Variants in KCNC1 observed in about 807,000 individuals in gnomAD.
KCNC1 encodes potassium voltage-gated channel subfamily C member 1, also known as voltage-gated potassium channel KCNC1.
A neutral mutation model predicts 43.4 loss-of-function variants in KCNC1; 8 were observed. The observed-to-expected ratio is 0.18, with a 90% CI of 0.11 to 0.33. KCNC1 has a LOEUF of 0.33. KCNC1 is among the 10% of genes least tolerant of loss of function. KCNC1 has a pLI of 1.00. For synonymous variants in KCNC1, 361 were observed against 360.5 expected, an observed-to-expected ratio of 1.00 and a Z score of -0.01; for missense variants, 420 against 836.0, an observed-to-expected ratio of 0.50 and a Z score of 6.14.
At chr11:17,751,233 T>C (rs930320063) in intron 1 of KCNC1, among the ~76,000 whole-genome samples, 2 of 151,930 alleles carry the variant, frequency 1.3e-5, no homozygotes, top group African/African-American at 4.9e-5. Context: ...GATGCTGTGG[T>C]TCTATGGTTA....
At chr11:17,749,769 C>A (rs898475305) in intron 1 of KCNC1, among the ~76,000 whole-genome samples, 7 of 152,198 alleles carry the variant, frequency 4.6e-5, no homozygotes, top group Non-Finnish European at 8.8e-5. Context: ...CTGCAAGCTG[C>A]CGTGGGTGCT....
intron 1 of KCNC1, among the ~76,000 whole-genome samples, chr11:17,763,642 CCA>C (rs1373501839): frequency 8.4e-6 from 1 of 119,074 alleles, no homozygotes; most frequent in Non-Finnish European, 1.8e-5. Flanking sequence ...ACACACACCC[CCA>C]CACCACACCA....
intron 1 of KCNC1, among the ~76,000 whole-genome samples, chr11:17,756,250 A>C (rs897466895): frequency 6.6e-6 from 1 of 152,178 alleles, no homozygotes; most frequent in Non-Finnish European, 1.5e-5. Flanking sequence ...AAGGCTTACC[A>C]AATGCCTGTG....
Position 17,777,957 on chromosome 11 carries a change from G to A in KCNC1, c.1505-1499G>A, listed in dbSNP as rs144074920. 2.0e-3 allele frequency: 1,126 copies of A among 558,156 alleles called. 7 individuals are homozygous for A. The African/African-American group carries it at 0.021, about 11-fold the overall frequency. 34.6% of individuals were successfully genotyped at this position (558,156 alleles called of 1,614,324 possible). A position where few individuals can be genotyped will look rare whatever the true frequency, so the allele number is the denominator to read the frequency against. ...GTTACATGATGTGAACAGGATCACG[G>A]GAGAGTGTTCAATCGGGTGGACATT... On this transcript the variant is annotated intron_variant, in intron 2 of 3. Coordinates refer to ENST00000265969, the MANE Select transcript of KCNC1 (RefSeq NM_001112741.2). This position sits in a 1 kb window ranked among gnomAD's most constrained non-coding sequence, Gnocchi z 4.3.
rs1261695224 is a variant in KCNC1 at position 17,735,208 on chromosome 11, G to A, written c.-795G>A. The A allele has an allele frequency of 6.6e-6, 1 of 152,116 alleles. No individual in the cohort carries two copies. Among genetic ancestry groups the A allele is most frequent in the East Asian group, 1.9e-4 (1 of 5,154 alleles). The allele number at this position is 152,116 out of a possible 1,614,324, so 9.4% of individuals were successfully genotyped here. Reference sequence around the variant, plus strand: ...TCACGGAGAGCAGCGCTCGGCGTTAGCCGCACGAGCAACACCCCGGGTGCC... The same window carrying A: ...TCACGGAGAGCAGCGCTCGGCGTTAACCGCACGAGCAACACCCCGGGTGCC... On this transcript the variant is annotated 5_prime_UTR_variant, in exon 1 of 4. Coordinates refer to ENST00000265969, the MANE Select transcript of KCNC1 (RefSeq NM_001112741.2). The surrounding 1 kb of genome is among the most constrained non-coding windows in gnomAD (Gnocchi z 6.7).
chr11:17,768,219 G>A (rs571330841), intron 1 of KCNC1, among the ~76,000 whole-genome samples: 2 of 152,170 alleles, frequency 1.3e-5, no homozygotes, highest in African/African-American at 2.4e-5. Flanking sequence ...CTCAGGGGAC[G>A]GGTCACTTAG....
At position 17,781,775 on chromosome 11, in the gene KCNC1, C is replaced by G; in HGVS notation, c.*41C>G. On this transcript the variant is annotated 3_prime_UTR_variant, in exon 4 of 4. Coordinates refer to ENST00000265969, the MANE Select transcript of KCNC1 (RefSeq NM_001112741.2). The surrounding 1 kb of genome is among the most constrained non-coding windows in gnomAD (Gnocchi z 5.1). ...GAGGACACTGGTGGCTATTAAGCAT[C>G]TGGGTGGACCTGCAGCCCCTCCTCA... 7.4e-7 allele frequency: 1 copy of G among 1,348,050 alleles called. No individual in the cohort carries two copies. Among genetic ancestry groups the G allele is most frequent in the Non-Finnish European group, 1.0e-6 (1 of 961,162 alleles). The allele number at this position is 1,348,050 out of a possible 1,614,324, so 83.5% of individuals were successfully genotyped here.
chr11:17,767,506 T>C (rs1849167896), intron 1 of KCNC1, among the ~76,000 whole-genome samples: 2 of 152,196 alleles, frequency 1.3e-5, no homozygotes, highest in Admixed American at 6.5e-5. Context: ...CTCTTTCCTT[T>C]CTCCAGCCAG....
Position 17,734,930 on chromosome 11 carries a change from CCCGCCTCCCCGCCCGACCT to C in KCNC1, c.-1068_-1050del, listed in dbSNP as rs1326475351. On this transcript the variant is annotated 5_prime_UTR_variant, in exon 1 of 4. Transcript: ENST00000265969. Reference sequence around the variant, plus strand: ...CCTCGCCGCGCCCGGACCCGCCACCCCCGCCTCCCCGCCCGACCTCCGCAGCCCCCGTCTCGGCCGGCAG... The same window carrying C: ...CCTCGCCGCGCCCGGACCCGCCACCCCCGCAGCCCCCGTCTCGGCCGGCAG... The C allele has an allele frequency of 6.6e-6, 1 of 150,620 alleles. No individual in the cohort carries two copies. Among genetic ancestry groups the C allele is most frequent in the East Asian group, 1.9e-4 (1 of 5,130 alleles). 9.3% of individuals were successfully genotyped at this position (150,620 alleles called of 1,614,324 possible).
At chr11:17,766,718 C>G (rs1303929792) in intron 1 of KCNC1, among the ~76,000 whole-genome samples, 1 of 152,118 alleles carries the variant, frequency 6.6e-6, no homozygotes, top group Non-Finnish European at 1.5e-5. Flanking sequence ...ATAGGCACAA[C>G]CTGCTCTTAC....
rs535074782 is a variant in KCNC1 at position 17,739,493 on chromosome 11, G to A, written c.570+2921G>A. On this transcript the variant is annotated intron_variant, in intron 1 of 3. Coordinates refer to ENST00000265969, the MANE Select transcript of KCNC1 (RefSeq NM_001112741.2). This position sits in a 1 kb window ranked among gnomAD's most constrained non-coding sequence, Gnocchi z 4.2. ...ATTCTGTGTTTTGGATGGACTGTGCGTGTGTGAGAATGAGACTGTGTGGGA... is the reference window on the plus strand; with the variant it reads ...ATTCTGTGTTTTGGATGGACTGTGCATGTGTGAGAATGAGACTGTGTGGGA... Among the ~76,000 whole-genome samples, 10 of 152,056 alleles carry A rather than the reference G, an allele frequency of 6.6e-5. No homozygotes were observed. Among genetic ancestry groups the A allele is most frequent in the East Asian group, 3.9e-4 (2 of 5,154 alleles).
chr11:17,757,336 T>C (rs1849034004), intron 1 of KCNC1, among the ~76,000 whole-genome samples: 1 of 152,182 alleles, frequency 6.6e-6, no homozygotes. Flanking sequence ...CTCAGGGGCA[T>C]GTCCTGAGTC....
rs996317894 is a variant in KCNC1 at position 17,771,117 on chromosome 11, A to T, written c.571-548A>T. On this transcript the variant is annotated intron_variant, in intron 1 of 3. Transcript: ENST00000265969. The surrounding 1 kb of genome is among the most constrained non-coding windows in gnomAD (Gnocchi z 4.7). ...GAACCTGAAAGAGACCACATGAGGG[A>T]GGTACAGACCCATGGAAAAGAGCAA... Among the ~76,000 whole-genome samples the T allele has an allele frequency of 1.3e-5, 2 of 152,150 alleles. No individual in the cohort carries two copies. Among genetic ancestry groups the T allele is most frequent in the African/African-American group, 4.8e-5 (2 of 41,440 alleles).
chr11:17,765,624 TG>T (rs1020835555), intron 1 of KCNC1, among the ~76,000 whole-genome samples: 15 of 152,268 alleles, frequency 9.9e-5, no homozygotes, highest in African/African-American at 3.6e-4. Flanking sequence ...TGATTTGGTT[TG>T]GGGGGAGAAA....
chr11:17,776,189 C>G lies in KCNC1; in HGVS notation c.1505-3267C>G, dbSNP rs1715316521. The G allele has an allele frequency of 1.0e-6, 1 of 985,300 alleles. No homozygotes were observed. Among genetic ancestry groups the G allele is most frequent in the South Asian group, 4.7e-5 (1 of 21,286 alleles). The allele number at this position is 985,300 out of a possible 1,614,324, so 61.0% of individuals were successfully genotyped here. ...CTTTTCCGTGTTGTTCACATTTTCT[C>G]TCTTTCTCTCTCTCTCCACTAATCA... On this transcript the variant is annotated intron_variant, in intron 2 of 3. Coordinates refer to ENST00000265969, the MANE Select transcript of KCNC1 (RefSeq NM_001112741.2). This position sits in a 1 kb window ranked among gnomAD's most constrained non-coding sequence, Gnocchi z 4.4.
rs1323582304 is a variant in KCNC1, at chr11:17,779,664, G to A, written c.1693+20G>A. 4.0e-6 allele frequency: 6 copies of A among 1,503,910 alleles called. No individual in the cohort carries two copies. Among genetic ancestry groups the A allele is most frequent in the Non-Finnish European group, 4.5e-6 (5 of 1,121,336 alleles). The allele number at this position is 1,503,910 out of a possible 1,614,324, so 93.2% of individuals were successfully genotyped here. On this transcript the variant is annotated intron_variant, in intron 3 of 3. Transcript: ENST00000265969. The surrounding 1 kb of genome is among the most constrained non-coding windows in gnomAD (Gnocchi z 7.2). ...GAAAGGGTATGTAGAGGAAGCTGGA[G>A]CACCGTGCATCGTCCGGGCCGCCTC...
Position 17,776,838 on chromosome 11 carries a change from G to A in KCNC1, c.1505-2618G>A. 1 of 985,566 alleles carries A rather than the reference G, an allele frequency of 1.0e-6. No homozygotes were observed. The highest frequency in any genetic ancestry group is 1.2e-6 in the Non-Finnish European group (1 of 830,116). The allele number at this position is 985,566 out of a possible 1,614,324, so 61.1% of individuals were successfully genotyped here. On this transcript the variant is annotated intron_variant, in intron 2 of 3. Coordinates refer to ENST00000265969, the MANE Select transcript of KCNC1 (RefSeq NM_001112741.2). The surrounding 1 kb of genome is among the most constrained non-coding windows in gnomAD (Gnocchi z 4.4). The stretch of plus-strand genomic sequence containing the variant: ...TTCTCTTTCTTCAAGCCACCCCTCT[G>A]GAGTTGGGGAGGGAGAATGCCCCAG...
At chr11:17,756,966 G>A (rs934484526) in intron 1 of KCNC1, among the ~76,000 whole-genome samples, 1 of 152,220 alleles carries the variant, frequency 6.6e-6, no homozygotes, top group Non-Finnish European at 1.5e-5. Flanking sequence ...TTCCAGCTAT[G>A]TGGGGGATTT....
Position 17,773,655 on chromosome 11 carries a change from T to C in KCNC1, c.1504+1057T>C, listed in dbSNP as rs1849256100. The C allele has an allele frequency of 5.1e-6, 5 of 985,428 alleles. No homozygotes were observed. Among genetic ancestry groups the C allele is most frequent in the Non-Finnish European group, 6.0e-6 (5 of 829,924 alleles). The allele number at this position is 985,428 out of a possible 1,614,324, so 61.0% of individuals were successfully genotyped here. A position where few individuals can be genotyped will look rare whatever the true frequency, so the allele number is the denominator to read the frequency against. On this transcript the variant is annotated intron_variant, in intron 2 of 3. Transcript: ENST00000265969. The surrounding 1 kb of genome is among the most constrained non-coding windows in gnomAD (Gnocchi z 4.1). ...GTTTGTTATGGGACTATCTCAGTTTTATGAGAACCTGCACATAGCACATAA... is the reference window on the plus strand; with the variant it reads ...GTTTGTTATGGGACTATCTCAGTTTCATGAGAACCTGCACATAGCACATAA...
Sources: allele counts gnomAD v4.1 joint callset (sites outside exome capture counted in the v4.1 genomes callset), GRCh38; gene constraint gnomAD v4.1.1; non-coding constraint Gnocchi (gnomAD v3.1); transcripts MANE v1.5; gene names NCBI Gene and HGNC (gene_info 2026-07-23, HGNC 2026-07-21).